The following ADCY1 variants were observed in gnomAD, a reference collection of about 807,000 sequenced individuals.
ADCY1 encodes adenylate cyclase type 1.
In ADCY1, 28 loss-of-function variants were observed where a neutral mutation model predicts 105.4. The observed-to-expected ratio is 0.27, with a 90% CI of 0.20 to 0.36. The LOEUF is 0.36. Ranked by LOEUF, ADCY1 falls within the 10% of genes least tolerant of loss-of-function variation. The pLI is 1.00. For synonymous variants in ADCY1, 655 were observed against 623.8 expected (o/e 1.05, Z -0.75); for missense variants, 977 against 1,434.2 (o/e 0.68, Z 5.15).
At chr7:45,658,631 C>T (rs925326653) in intron 6 of ADCY1, among the ~76,000 whole-genome samples, 18 of 152,222 alleles carry the variant, frequency 1.2e-4, no homozygotes, top group African/African-American at 4.3e-4. Context: ...TTTTCCTCTC[C>T]CCGTTGGCTC....
At position 45,717,231 on chromosome 7, in the gene ADCY1, C is replaced by T. The variant is rs943681229; in HGVS notation, c.*3236C>T. On this transcript the variant is annotated 3_prime_UTR_variant, in exon 20 of 20. Transcript: ENST00000297323. ...CGTCGCGGGGACCATGCTGCCTTCTCTGGGCTCACGACTGTTCTGGAAAGG... is the reference window on the plus strand; with the variant it reads ...CGTCGCGGGGACCATGCTGCCTTCTTTGGGCTCACGACTGTTCTGGAAAGG... 2 of 152,202 alleles carry T rather than the reference C, an allele frequency of 1.3e-5. No homozygotes were observed. The highest frequency in any genetic ancestry group is 4.8e-5 in the African/African-American group (2 of 41,430). The allele number at this position is 152,202 out of a possible 1,614,324, so 9.4% of individuals were successfully genotyped here.
Position 45,686,248 on chromosome 7 carries a change from A to C in ADCY1, c.2327+33A>C. On this transcript the variant is annotated intron_variant, in intron 13 of 19. Coordinates refer to ENST00000297323, the MANE Select transcript of ADCY1 (RefSeq NM_021116.4). This position sits in a 1 kb window ranked among gnomAD's most constrained non-coding sequence, Gnocchi z 4.3. ...TGTGGCTCCTCAAGAAAAAGGCCTA[A>C]GCAGCGGTGCTACTGAATCTGTGTA... 1 of 1,601,264 alleles carries C rather than the reference A, an allele frequency of 6.2e-7. No homozygotes were observed. The highest frequency in any genetic ancestry group is 2.2e-5 in the East Asian group (1 of 44,824).
intron 1 of ADCY1, among the ~76,000 whole-genome samples, chr7:45,582,203 T>A (rs2115720735): frequency 6.6e-6 from 1 of 152,322 alleles, no homozygotes; most frequent in African/African-American, 2.4e-5. Context: ...CTCACTTCAC[T>A]GTTACTAATA....
At chr7:45,620,195 G>A (rs187620108) in intron 3 of ADCY1, among the ~76,000 whole-genome samples, 67 of 152,158 alleles carry the variant, frequency 4.4e-4, no homozygotes, top group Admixed American at 1.6e-3. Flanking sequence ...TAAAATAGTC[G>A]AAATCATAGA....
intron 5 of ADCY1, among the ~76,000 whole-genome samples, chr7:45,655,333 G>A (rs1054811709): frequency 6.6e-6 from 1 of 152,208 alleles, no homozygotes; most frequent in Non-Finnish European, 1.5e-5. Context: ...GCTGTAGGTG[G>A]TGGGCAAGTG....
chr7:45,642,662 C>G (rs753888908), intron 4 of ADCY1, among the ~76,000 whole-genome samples: 3 of 152,130 alleles, frequency 2.0e-5, no homozygotes, highest in Non-Finnish European at 4.4e-5. Context: ...CGTTGCTTCT[C>G]TCTAGCAGGC....
intron 14 of ADCY1, among the ~76,000 whole-genome samples, chr7:45,692,318 A>G (rs1308716003): frequency 6.6e-6 from 1 of 152,248 alleles, no homozygotes. Context: ...GCACCAAAGT[A>G]TACCTAATCC....
intron 12 of ADCY1, among the ~76,000 whole-genome samples, 179 bp from the exon 13 acceptor site, chr7:45,685,783 G>C (rs1235247813): frequency 6.6e-6 from 1 of 152,224 alleles, no homozygotes; most frequent in African/African-American, 2.4e-5. Flanking sequence ...CTGGCAGCCA[G>C]TGGGGAGCCT....
intron 3 of ADCY1, among the ~76,000 whole-genome samples, chr7:45,613,859 T>C (rs1333145739): frequency 6.6e-6 from 1 of 152,156 alleles, no homozygotes; most frequent in Non-Finnish European, 1.5e-5. Flanking sequence ...GGGAGTGGGA[T>C]GATATGTTTA....
chr7:45,579,682 G>A (rs892654501), intron 1 of ADCY1, among the ~76,000 whole-genome samples: 3 of 152,206 alleles, frequency 2.0e-5, no homozygotes, highest in Non-Finnish European at 4.4e-5. Context: ...CAGGCTGTGT[G>A]AAGGTAGGGA....
At chr7:45,635,607 T>TTG (rs549030725) in intron 4 of ADCY1, among the ~76,000 whole-genome samples, 1,647 of 132,334 alleles carry the variant, frequency 0.012, 38 homozygotes, top group South Asian at 0.07. Flanking sequence ...TCTTGTTTTT[T>TTG]TTTTTTTTTT....
intron 4 of ADCY1, among the ~76,000 whole-genome samples, chr7:45,630,862 A>G (rs1325782712): frequency 1.3e-5 from 2 of 152,114 alleles, no homozygotes; most frequent in African/African-American, 4.8e-5. Flanking sequence ...GCATTTACAG[A>G]TTCCAGAAAT....
rs910412382 is a variant in ADCY1, at chr7:45,710,804, C to T, written c.3057+152C>T. 4.5e-6 allele frequency: 5 copies of T among 1,123,030 alleles called. No individual in the cohort carries two copies. The highest frequency in any genetic ancestry group is 6.1e-6 in the Non-Finnish European group (5 of 822,542). The allele number at this position is 1,123,030 out of a possible 1,614,324, so 69.6% of individuals were successfully genotyped here. ...ATTTCGGTCTGTCTGCTCTGGAGGG[C>T]ATCCTGGCCCGGGCATCTTGATTTT... On this transcript the variant is annotated intron_variant, in intron 19 of 19. Transcript: ENST00000297323. This position sits in a 1 kb window ranked among gnomAD's most constrained non-coding sequence, Gnocchi z 4.7.
At chr7:45,610,837 TGTG>T (rs1793545678) in intron 3 of ADCY1, among the ~76,000 whole-genome samples, 1 of 86,480 alleles carries the variant, frequency 1.2e-5, no homozygotes, top group East Asian at 3.3e-4. Context: ...ATAGTGGAGG[TGTG>T]GAGGCGATAT....
chr7:45,687,472 G>A (rs1319950937), intron 14 of ADCY1, among the ~76,000 whole-genome samples: 1 of 152,198 alleles, frequency 6.6e-6, no homozygotes, highest in Non-Finnish European at 1.5e-5. Flanking sequence ...GGGAGGTGAG[G>A]CAATCAAACA....
In ADCY1 at chr7:45,720,665, G is replaced by C. The variant is rs953466938; in HGVS notation, c.*6670G>C. On this transcript the variant is annotated 3_prime_UTR_variant, in exon 20 of 20. Coordinates refer to ENST00000297323, the MANE Select transcript of ADCY1 (RefSeq NM_021116.4). The stretch of plus-strand genomic sequence containing the variant: ...GAAATTAGTGAGTTTCCTTCTACCC[G>C]TCACCAGATTCAATATGTTCTATTA... 2 of 152,050 alleles carry C rather than the reference G, an allele frequency of 1.3e-5. No individual in the cohort carries two copies. The highest frequency in any genetic ancestry group is 1.3e-4 in the Admixed American group (2 of 15,262). The allele number at this position is 152,050 out of a possible 1,614,324, so 9.4% of individuals were successfully genotyped here.
At chr7:45,697,596 G>T (rs988596464) in intron 14 of ADCY1, among the ~76,000 whole-genome samples, 2 of 152,076 alleles carry the variant, frequency 1.3e-5, no homozygotes, top group African/African-American at 4.8e-5. Flanking sequence ...CTCCATGTTG[G>T]TCAGGCTGGT....
chr7:45,620,917 AC>A (rs1793873215), intron 3 of ADCY1, among the ~76,000 whole-genome samples: 1 of 151,594 alleles, frequency 6.6e-6, no homozygotes, highest in Non-Finnish European at 1.5e-5. Flanking sequence ...CTTCTTCAGG[AC>A]CCCCGTGACC....
chr7:45,603,642 T>C (rs1456452787), intron 2 of ADCY1, among the ~76,000 whole-genome samples: 1 of 152,176 alleles, frequency 6.6e-6, no homozygotes, highest in Non-Finnish European at 1.5e-5. Flanking sequence ...AGCCAAGATA[T>C]GGAACATCCG....
Sources: gnomAD v4.1 joint callset for allele counts (sites outside exome capture counted in the v4.1 genomes callset) on GRCh38, gnomAD v4.1.1 for gene constraint, Gnocchi (gnomAD v3.1) non-coding constraint, MANE v1.5 for transcripts, NCBI Gene and HGNC (gene_info 2026-07-23, HGNC 2026-07-21) for gene names.